PDZD2: variants seen among roughly 807,000 people sequenced by gnomAD.
PDZD2 encodes the protein PDZ domain containing 2, also known as PDZ domain-containing protein 2.
PDZD2 carries 90 observed loss-of-function variants against 220.7 expected under a neutral mutation model. That is an observed-to-expected ratio of 0.41 (90% CI 0.34 to 0.49). The LOEUF is 0.49. PDZD2 is among the 20% of genes least tolerant of loss of function. The probability of loss-of-function intolerance (pLI) is 0.28; values close to 1 mark genes in which losing one functional copy is unlikely to be tolerated. For synonymous variants in PDZD2, 1,375 were observed against 1,450.5 expected (o/e 0.95, Z 1.18); for missense variants, 3,174 against 3,608.5 (o/e 0.88, Z 3.08).
At position 31,854,726 on chromosome 5, in the gene PDZD2, TGGATGAGAA is replaced by T. The variant is rs142669910; in HGVS notation, c.476+55004_476+55012del. 8.4e-3 allele frequency among the ~76,000 whole-genome samples: 1,274 copies of T among 152,200 alleles called. 14 individuals are homozygous for T. Among genetic ancestry groups the T allele is most frequent in the African/African-American group, 0.027 (1,120 of 41,542 alleles). ...AGCCCTCGGTGTAAACAAAGGTGTC[TGGATGAGAA>T]GCCCCAAACTCCCTGAAATCCTCCC... On this transcript the variant is annotated intron_variant, in intron 2 of 24. Transcript: ENST00000438447.
At chr5:31,849,998 A>G (rs1757899175) in intron 2 of PDZD2, among the ~76,000 whole-genome samples, 1 of 90,726 alleles carries the variant, frequency 1.1e-5, no homozygotes, top group Non-Finnish European at 2.1e-5. Context: ...ATATACACAT[A>G]TATATATATA....
intron 7 of PDZD2, among the ~76,000 whole-genome samples, chr5:32,038,182 T>TAAAA (rs547581515): frequency 1.8e-5 from 2 of 109,056 alleles, no homozygotes; most frequent in Non-Finnish European, 3.5e-5. Context: ...TTTCCTCCAT[T>TAAAA]AAAAAAAAAA....
chr5:31,746,755 C>G (rs943798575), intron 1 of PDZD2, among the ~76,000 whole-genome samples: 1 of 152,224 alleles, frequency 6.6e-6, no homozygotes, highest in Non-Finnish European at 1.5e-5. Flanking sequence ...CCAGGGAACC[C>G]TTTGATTTCT....
chr5:31,867,299 A>C (rs1738316312), intron 2 of PDZD2, among the ~76,000 whole-genome samples: 1 of 152,242 alleles, frequency 6.6e-6, no homozygotes, highest in Admixed American at 6.5e-5. Context: ...GTTGGGGGCT[A>C]TCCAGACCAG....
intron 6 of PDZD2, among the ~76,000 whole-genome samples, chr5:32,026,925 CAG>C (rs751962354): frequency 1.5e-4 from 23 of 152,254 alleles, no homozygotes; most frequent in South Asian, 6.2e-4. Flanking sequence ...TGTTTTGAGA[CAG>C]AGTCTCGCTC....
At chr5:31,738,955 C>T (rs1003749636) in intron 1 of PDZD2, among the ~76,000 whole-genome samples, 9 of 151,880 alleles carry the variant, frequency 5.9e-5, no homozygotes, top group East Asian at 1.9e-4. Context: ...GCACCATCTC[C>T]GCTCACTGCA....
chr5:31,830,205 G>T (rs1394942792), intron 2 of PDZD2, among the ~76,000 whole-genome samples: 2 of 141,034 alleles, frequency 1.4e-5, no homozygotes, highest in Non-Finnish European at 3.0e-5. Flanking sequence ...TCGCTCTGCC[G>T]CCCAGGCTGG....
intron 14 of PDZD2, among the ~76,000 whole-genome samples, chr5:32,068,142 CAA>C (rs34069559): frequency 6.8e-6 from 1 of 146,172 alleles, no homozygotes; most frequent in Non-Finnish European, 1.5e-5. Context: ...CTTTTTCTGC[CAA>C]AAAAAAAAAT....
chr5:31,821,461 A>C (rs1580823524), intron 2 of PDZD2, among the ~76,000 whole-genome samples: 1 of 151,980 alleles, frequency 6.6e-6, no homozygotes, highest in South Asian at 2.1e-4. Flanking sequence ...GCTCACTGCA[A>C]CCTCCGTCTC....
chr5:31,956,565 AAAAT>A (rs1048493166), intron 2 of PDZD2, among the ~76,000 whole-genome samples: 3 of 147,556 alleles, frequency 2.0e-5, no homozygotes, highest in African/African-American at 7.4e-5. Context: ...AAAAATAAAT[AAAAT>A]AAATAAATAA....
intron 1 of PDZD2, among the ~76,000 whole-genome samples, chr5:31,711,447 G>A (rs1029937301): frequency 6.6e-6 from 1 of 152,232 alleles, no homozygotes. Flanking sequence ...GCATAAGCAA[G>A]TCTATGCTTG....
intron 2 of PDZD2, among the ~76,000 whole-genome samples, chr5:31,868,594 G>A (rs996598562): frequency 3.9e-5 from 6 of 152,114 alleles, no homozygotes; most frequent in South Asian, 2.1e-4. Flanking sequence ...GAGGGACTGC[G>A]CGTAGTGTTC....
intron 7 of PDZD2, 77 bp from the exon 8 acceptor site, chr5:32,048,462 T>G: frequency 9.7e-6 from 12 of 1,234,938 alleles, no homozygotes; most frequent in Non-Finnish European, 1.3e-5. Context: ...GTAAATACAA[T>G]GAGTTTATGC....
chr5:32,047,323 T>C (rs1561443258), intron 7 of PDZD2, among the ~76,000 whole-genome samples: 1 of 152,206 alleles, frequency 6.6e-6, no homozygotes, highest in Non-Finnish European at 1.5e-5. Context: ...ATTCTAGAAC[T>C]TCCCTGTGCT....
chr5:32,037,448 C>T (rs1755648558), intron 7 of PDZD2, 106 bp downstream of exon 7: 2 of 671,924 alleles, frequency 3.0e-6, no homozygotes, highest in Non-Finnish European at 5.2e-6. Context: ...TCCTTAAAAC[C>T]TCAAAATCAT....
intron 1 of PDZD2, among the ~76,000 whole-genome samples, chr5:31,674,825 G>A (rs1009030366): frequency 1.1e-4 from 16 of 151,990 alleles, no homozygotes; most frequent in Non-Finnish European, 2.2e-4. Context: ...TGTAATCAAT[G>A]TGACCGCCCT....
chr5:32,088,837 C>T lies in PDZD2; in HGVS notation c.5389C>T (p.Pro1797Ser), dbSNP rs1742788800. The T allele has an allele frequency of 9.3e-6, 15 of 1,613,948 alleles. No individual in the cohort carries two copies. Among genetic ancestry groups the T allele is most frequent in the Non-Finnish European group, 1.3e-5 (15 of 1,179,978 alleles). ...LQKPKMIARR[P>S]IMAWFKEINK... ...GAAACCAAAAATGATCGCTAGGAGG[C>T]CCATCATGGCCTGGTTTAAAGAAAT... Residue 1797 changes from proline (P) to serine (S), a missense_variant, in exon 20 of 25, where the codon CCC (proline) becomes TCC (serine). Pro to Ser is a moderately conservative substitution (Grantham distance 74). Transcript: ENST00000438447. The surrounding 1 kb of genome is among the most constrained non-coding windows in gnomAD (Gnocchi z 4.6).
intron 7 of PDZD2, among the ~76,000 whole-genome samples, chr5:32,041,723 C>T (rs1756167494): frequency 6.6e-6 from 1 of 151,970 alleles, no homozygotes; most frequent in African/African-American, 2.4e-5. Flanking sequence ...ACAGGGACCT[C>T]TGCCTAGGAA....
chr5:31,849,933 C>CACATATATATATAT (rs1757862007), intron 2 of PDZD2, among the ~76,000 whole-genome samples: 2 of 12,480 alleles, frequency 1.6e-4, no homozygotes, highest in Admixed American at 9.4e-4. Flanking sequence ...TATATATATA[C>CACATATATATATAT]ACATATATAT....
Sources: allele counts gnomAD v4.1 joint callset (sites outside exome capture counted in the v4.1 genomes callset), GRCh38; gene constraint gnomAD v4.1.1; non-coding constraint Gnocchi (gnomAD v3.1); transcripts MANE v1.5; gene names NCBI Gene and HGNC (gene_info 2026-07-23, HGNC 2026-07-21).